Variants in TWSG1 observed in about 807,000 individuals in gnomAD.
The protein encoded by TWSG1 is twisted gastrulation protein homolog 1.
A neutral mutation model predicts 23.0 loss-of-function variants in TWSG1; 15 were observed. The observed-to-expected ratio is 0.65, with a 90% CI of 0.44 to 1.00. The LOEUF is 1.00. Ranked by LOEUF, TWSG1 falls within the 50% of genes least tolerant of loss-of-function variation. TWSG1 has a pLI of 0.00. For synonymous variants in TWSG1, 86 were observed against 92.8 expected (o/e 0.93, Z 0.42); for missense variants, 242 against 278.7 (o/e 0.87, Z 0.94).
intron 2 of TWSG1, among the ~76,000 whole-genome samples, chr18:9,344,493 G>A (rs1228159610): frequency 1.5e-5 from 1 of 65,858 alleles, no homozygotes; most frequent in African/African-American, 5.0e-5. Context: ...GTGAATGCAT[G>A]TGTGTGTGTG....
At chr18:9,378,938 A>G (rs1039189781) in intron 3 of TWSG1, among the ~76,000 whole-genome samples, 7 of 152,156 alleles carry the variant, frequency 4.6e-5, no homozygotes, top group Admixed American at 2.6e-4. Flanking sequence ...ATCACTAATC[A>G]TTACGTAAAT....
At chr18:9,361,468 G>T (rs2040552059) in intron 3 of TWSG1, among the ~76,000 whole-genome samples, 1 of 152,216 alleles carries the variant, frequency 6.6e-6, no homozygotes, top group Non-Finnish European at 1.5e-5. Flanking sequence ...TCCATGGACA[G>T]GGCATGGAAT....
At chr18:9,355,013 T>C (rs2040518801) in intron 2 of TWSG1, among the ~76,000 whole-genome samples, 1 of 152,096 alleles carries the variant, frequency 6.6e-6, no homozygotes, top group Non-Finnish European at 1.5e-5. Flanking sequence ...TGGAGTGCAG[T>C]GGCCCCATCT....
At position 9,391,333 on chromosome 18, in the gene TWSG1, T is replaced by C. The variant is rs1428234239; in HGVS notation, c.224-4947T>C. 7.9e-5 allele frequency among the ~76,000 whole-genome samples: 12 copies of C among 152,224 alleles called. 1 individual carries two copies. The highest frequency in any genetic ancestry group is 1.8e-4 in the Non-Finnish European group (12 of 68,034). On this transcript the variant is annotated intron_variant, in intron 3 of 4. Transcript: ENST00000262120. ...GTCTTGAACCCCTCAAAGTCATCCA[T>C]GAATGTTGTACTCAACGTCTCTTCT...
chr18:9,392,604 CT>C (rs2040717664), intron 3 of TWSG1, among the ~76,000 whole-genome samples: 2 of 152,220 alleles, frequency 1.3e-5, no homozygotes, highest in African/African-American at 2.4e-5. Context: ...CCTTCAAGAA[CT>C]TTTCCCTTGC....
chr18:9,365,676 CA>C (rs1205070268), intron 3 of TWSG1, among the ~76,000 whole-genome samples: 2 of 144,516 alleles, frequency 1.4e-5, no homozygotes, highest in Non-Finnish European at 1.5e-5. Context: ...GACTTTAACT[CA>C]AAAAAAAAGA....
intron 3 of TWSG1, among the ~76,000 whole-genome samples, chr18:9,393,724 A>C (rs971473125): frequency 6.6e-6 from 1 of 151,936 alleles, no homozygotes; most frequent in Admixed American, 6.6e-5. Flanking sequence ...TGCTCAGCTA[A>C]TTTTTTTGTT....
At chr18:9,340,806 G>A (rs112337939) in intron 2 of TWSG1, among the ~76,000 whole-genome samples, 6 of 152,344 alleles carry the variant, frequency 3.9e-5, no homozygotes, top group African/African-American at 1.2e-4. Context: ...CTAGCCATAC[G>A]TGGCTACCAA....
chr18:9,354,509 A>G (rs1007464819), intron 2 of TWSG1, among the ~76,000 whole-genome samples: 1 of 152,206 alleles, frequency 6.6e-6, no homozygotes, highest in Non-Finnish European at 1.5e-5. Context: ...CTAAATTTCA[A>G]CTCTACCGTA....
At chr18:9,336,297 C>A (rs770695233) in intron 1 of TWSG1, among the ~76,000 whole-genome samples, 2 of 151,458 alleles carry the variant, frequency 1.3e-5, no homozygotes. Context: ...GAGGCTGAGA[C>A]AGGAGAATCG....
At chr18:9,359,640 A>C (rs1383631906) in intron 2 of TWSG1, among the ~76,000 whole-genome samples, 1 of 152,212 alleles carries the variant, frequency 6.6e-6, no homozygotes, top group Non-Finnish European at 1.5e-5. Context: ...TGGACAACGA[A>C]TATAATAGCT....
rs1358444322 is a variant in TWSG1, at chr18:9,384,603, A to C, written c.224-11677A>C. On this transcript the variant is annotated intron_variant, in intron 3 of 4. Transcript: ENST00000262120. ...AGGAACAATTGTAATTTGAGTCTGC[A>C]TCAGATATCTAAAAGGAAAGACAAA... is the stretch of plus-strand genomic sequence containing the variant. Among the ~76,000 whole-genome samples the C allele has an allele frequency of 3.3e-5, 5 of 152,148 alleles. No homozygotes were observed. The East Asian group carries it at 9.6e-4, about 29-fold the overall frequency.
intron 3 of TWSG1, among the ~76,000 whole-genome samples, chr18:9,374,428 G>C (rs866909139): frequency 6.6e-6 from 1 of 152,122 alleles, no homozygotes; most frequent in Non-Finnish European, 1.5e-5. Flanking sequence ...TGATAACCTA[G>C]GTGAAATGGA....
At chr18:9,354,667 A>G (rs192369722) in intron 2 of TWSG1, among the ~76,000 whole-genome samples, 2 of 152,204 alleles carry the variant, frequency 1.3e-5, no homozygotes, top group African/African-American at 4.8e-5. Flanking sequence ...ACATTGATGT[A>G]CTATTATGCG....
chr18:9,356,231 A>C (rs1019209770), intron 2 of TWSG1, among the ~76,000 whole-genome samples: 77 of 152,320 alleles, frequency 5.1e-4, no homozygotes, highest in African/African-American at 1.8e-3. Flanking sequence ...TTACTCTCTT[A>C]CACCAGTATG....
chr18:9,378,500 A>G (rs889573415), intron 3 of TWSG1, among the ~76,000 whole-genome samples: 17 of 152,168 alleles, frequency 1.1e-4, no homozygotes, highest in African/African-American at 3.9e-4. Flanking sequence ...CAAATTAGGA[A>G]CTCAATCCCA....
chr18:9,384,038 C>A (rs6506661), intron 3 of TWSG1, among the ~76,000 whole-genome samples: 58,314 of 152,004 alleles, frequency 0.38, 11,382 homozygotes, highest in African/African-American at 0.44. Context: ...TTTAAAATCC[C>A]TTAAACAATT....
rs902447418 is a variant in TWSG1, at chr18:9,401,302, C to G, written c.*1775C>G. On this transcript the variant is annotated 3_prime_UTR_variant, in exon 5 of 5. Transcript: ENST00000262120. The stretch of plus-strand genomic sequence containing the variant: ...GCTGAAAGTATTCTGGAACTTTAGA[C>G]AGAAAGCTGAAAGGAATCTGCAGTC... 4 of 151,978 alleles carry G rather than the reference C, an allele frequency of 2.6e-5. No homozygotes were observed. The highest frequency in any genetic ancestry group is 7.3e-5 in the African/African-American group (3 of 41,310). 9.4% of individuals were successfully genotyped at this position (151,978 alleles called of 1,614,324 possible).
At chr18:9,338,286 A>G (rs148798382) in intron 2 of TWSG1, among the ~76,000 whole-genome samples, 203 of 152,254 alleles carry the variant, frequency 1.3e-3, no homozygotes, top group African/African-American at 4.6e-3. Context: ...CCCATTTCGT[A>G]CTCTGATAAC....
Sources: allele counts gnomAD v4.1 joint callset (sites outside exome capture counted in the v4.1 genomes callset), GRCh38; gene constraint gnomAD v4.1.1; transcripts MANE v1.5; gene names NCBI Gene and HGNC (gene_info 2026-07-23, HGNC 2026-07-21).